Variants in DHRSX observed in about 807,000 individuals in gnomAD.
DHRSX encodes dehydrogenase/reductase X-linked, also known as polyprenol dehydrogenase.
A neutral mutation model predicts 34.0 loss-of-function variants in DHRSX; 31 were observed. The observed-to-expected ratio is 0.91, with a 90% CI of 0.69 to 1.23. The LOEUF is 1.23. DHRSX is among the 50% of genes most tolerant of loss of function. The pLI is 0.00. For synonymous variants in DHRSX, 201 were observed against 183.8 expected, an observed-to-expected ratio of 1.09 and a Z score of -0.76; for missense variants, 414 against 428.1, an observed-to-expected ratio of 0.97 and a Z score of 0.29.
chrX:2,453,585 T>G (rs1483320115), intron 1 of DHRSX, among the ~76,000 whole-genome samples: 1 of 151,788 alleles, frequency 6.6e-6, no homozygotes, highest in Non-Finnish European at 1.5e-5. Context: ...GGTGGGAGGG[T>G]CACCTGAGCC....
At chrX:2,492,360 G>T (rs926875767) in intron 1 of DHRSX, among the ~76,000 whole-genome samples, 1 of 152,064 alleles carries the variant, frequency 6.6e-6, no homozygotes, top group African/African-American at 2.4e-5. Flanking sequence ...GAGTGATGCG[G>T]CCACAAACCC....
intron 1 of DHRSX, among the ~76,000 whole-genome samples, chrX:2,462,918 G>A (rs959283736): frequency 2.6e-5 from 4 of 152,054 alleles, no homozygotes; most frequent in Non-Finnish European, 5.9e-5. Flanking sequence ...TCACCCCTAA[G>A]ACAATGGTGT....
In DHRSX at chrX:2,266,766, C is replaced by G; in HGVS notation, c.570G>C (p.Glu190Asp). The G allele has an allele frequency of 3.7e-6, 6 of 1,613,982 alleles. No homozygotes were observed. Among genetic ancestry groups the G allele is most frequent in the Non-Finnish European group, 5.1e-6 (6 of 1,179,868 alleles). ...TGCTCTGAAGGTCATCCATGTTCAG[C>G]TCAGCGACGTAATGGGTGGCAGAGG... ...TVSSATHYVA[E>D]LNMDDLQSSA... Residue 190 changes from glutamate (E) to aspartate (D), a missense_variant, in exon 5 of 7, where the codon GAG becomes GAC. By Grantham distance (45) the Glu-to-Asp change is conservative. Coordinates refer to ENST00000334651, the MANE Select transcript of DHRSX (RefSeq NM_145177.3).
Position 2,380,452 on chromosome X carries a change from T to C in DHRSX, c.286+28293A>G, listed in dbSNP as rs772844657. Among the ~76,000 whole-genome samples the C allele has an allele frequency of 9.2e-5, 14 of 152,094 alleles. No homozygotes were observed. In the South Asian group the frequency reaches 2.7e-3, roughly 29 times the overall value. Reference sequence around the variant, plus strand: ...TGAAGGAATACAGGGAAAGATGGTCTCTACAGGTCCTACTGAGTCTAGCAG... The same window carrying C: ...TGAAGGAATACAGGGAAAGATGGTCCCTACAGGTCCTACTGAGTCTAGCAG... On this transcript the variant is annotated intron_variant, in intron 3 of 6. Transcript: ENST00000334651.
chrX:2,235,482 C>CT (rs1465135690), intron 6 of DHRSX, among the ~76,000 whole-genome samples: 2 of 151,858 alleles, frequency 1.3e-5, no homozygotes, highest in Admixed American at 6.6e-5. Flanking sequence ...CGGTGGCTCA[C>CT]ACCTGTCATC....
chrX:2,482,947 G>A (rs1014080207), intron 1 of DHRSX, among the ~76,000 whole-genome samples: 6 of 152,002 alleles, frequency 3.9e-5, no homozygotes, highest in African/African-American at 1.2e-4. Flanking sequence ...ACCAAAACAG[G>A]GAAAAGAAAG....
chrX:2,225,430 G>A (rs2015635207), intron 6 of DHRSX, among the ~76,000 whole-genome samples: 1 of 152,076 alleles, frequency 6.6e-6, no homozygotes, highest in Admixed American at 6.6e-5. Context: ...TCATTCACAT[G>A]CATACTTATA....
intron 3 of DHRSX, among the ~76,000 whole-genome samples, chrX:2,401,197 G>A (rs1213872186): frequency 2.1e-5 from 3 of 142,416 alleles, no homozygotes; most frequent in Admixed American, 1.5e-4. Flanking sequence ...GCAAACCTCC[G>A]CCTCCCGGGT....
rs557047764 is a variant in DHRSX at position 2,387,904 on chromosome X, CAAA to C, written c.286+20838_286+20840del. On this transcript the variant is annotated intron_variant, in intron 3 of 6. Coordinates refer to ENST00000334651, the MANE Select transcript of DHRSX (RefSeq NM_145177.3). ...TACTCTGAGCCTCCACCCTCCCCTG[CAAA>C]AAAAAAAAAAAAAAAAACGGGATTC... Among the ~76,000 whole-genome samples, 467 of 73,928 alleles carry C rather than the reference CAAA, an allele frequency of 6.3e-3. 2 individuals carry two copies. Among genetic ancestry groups the C allele is most frequent in the African/African-American group, 0.025 (445 of 17,478 alleles). 48.5% of individuals were successfully genotyped at this position (73,928 alleles called of 152,430 possible). A position where few individuals can be genotyped will look rare whatever the true frequency, so the allele number is the denominator to read the frequency against.
At chrX:2,442,146 G>A (rs2044070429) in intron 1 of DHRSX, among the ~76,000 whole-genome samples, 1 of 152,056 alleles carries the variant, frequency 6.6e-6, no homozygotes, top group Non-Finnish European at 1.5e-5. Flanking sequence ...TTACAGTAAA[G>A]TAAGCTAGAG....
Position 2,250,666 on chromosome X carries a change from C to T in DHRSX, c.597-7436G>A, listed in dbSNP as rs560640965. Among the ~76,000 whole-genome samples the T allele has an allele frequency of 2.6e-5, 4 of 152,230 alleles. 1 individual carries two copies. The highest frequency in any genetic ancestry group is 1.9e-4 in the East Asian group (1 of 5,180). On this transcript the variant is annotated intron_variant, in intron 5 of 6. Transcript: ENST00000334651. ...CTTGGTTTCGGTGGGATTTGGCTGG[C>T]TTTACCACAACCTGGTTTATCAGCA...
intron 2 of DHRSX, among the ~76,000 whole-genome samples, chrX:2,412,934 T>C (rs1355448989): frequency 6.6e-6 from 1 of 152,190 alleles, no homozygotes; most frequent in Non-Finnish European, 1.5e-5. Flanking sequence ...TGGTATCTCA[T>C]GCCTGTAATC....
chrX:2,461,684 C>T (rs1258456687), intron 1 of DHRSX, among the ~76,000 whole-genome samples: 1 of 151,982 alleles, frequency 6.6e-6, no homozygotes, highest in Non-Finnish European at 1.5e-5. Context: ...TGTGACCACA[C>T]ACGCGTGGCA....
chrX:2,396,881 C>T (rs1422252528), intron 3 of DHRSX, among the ~76,000 whole-genome samples: 2 of 151,872 alleles, frequency 1.3e-5, no homozygotes, highest in African/African-American at 4.8e-5. Flanking sequence ...TCTCCTGTCT[C>T]AGCCTCCTGA....
chrX:2,259,161 T>C (rs996569024), intron 5 of DHRSX, among the ~76,000 whole-genome samples: 4 of 151,878 alleles, frequency 2.6e-5, no homozygotes, highest in African/African-American at 9.7e-5. Context: ...TAATCCCAGC[T>C]ACTCAGGAGG....
chrX:2,286,810 G>A (rs1320053471), intron 4 of DHRSX, among the ~76,000 whole-genome samples: 2 of 152,164 alleles, frequency 1.3e-5, no homozygotes, highest in African/African-American at 4.8e-5. Flanking sequence ...GCCACAGCCT[G>A]AGCAACCTCT....
At chrX:2,347,472 T>C (rs948946905) in intron 3 of DHRSX, among the ~76,000 whole-genome samples, 1 of 152,160 alleles carries the variant, frequency 6.6e-6, no homozygotes, top group Non-Finnish European at 1.5e-5. Context: ...CACAGGTGGA[T>C]CACCTGAGCT....
intron 3 of DHRSX, among the ~76,000 whole-genome samples, chrX:2,405,155 G>A (rs1363798552): frequency 2.0e-5 from 3 of 152,222 alleles, no homozygotes; most frequent in South Asian, 4.1e-4. Flanking sequence ...CAGTGACCAG[G>A]CTCAGCTCTG....
intron 1 of DHRSX, among the ~76,000 whole-genome samples, chrX:2,450,660 C>G: frequency 6.6e-6 from 1 of 151,838 alleles, no homozygotes. Context: ...GTATATTTTA[C>G]AGCACTAACA....
Sources: allele counts gnomAD v4.1 joint callset (sites outside exome capture counted in the v4.1 genomes callset), GRCh38; gene constraint gnomAD v4.1.1; transcripts MANE v1.5; gene names NCBI Gene and HGNC (gene_info 2026-07-23, HGNC 2026-07-21).